Variants in DALRD3 observed in about 807,000 individuals in gnomAD.
The protein encoded by DALRD3 is DALR anticodon binding domain containing 3.
A neutral mutation model predicts 56.7 loss-of-function variants in DALRD3; 47 were observed. The ratio of observed to expected loss-of-function variants is 0.83; its 90% CI spans 0.66 to 1.06. The LOEUF is 1.06. Among genes scored for constraint, DALRD3 ranks in the 50% least tolerant of loss-of-function variants. DALRD3 has a pLI of 0.00. For missense variants in DALRD3, 787 were observed against 724.0 expected (o/e 1.09, Z -1.00); for synonymous variants, 347 against 308.5 (o/e 1.12, Z -1.31).
rs1273370543 is a variant in DALRD3 at position 49,018,199 on chromosome 3, G to A, written c.285C>T (p.Phe95=). The A allele has an allele frequency of 2.8e-6, 4 of 1,447,208 alleles. No individual in the cohort carries two copies. Among genetic ancestry groups the A allele is most frequent in the Non-Finnish European group, 1.8e-6 (2 of 1,111,674 alleles). 89.6% of individuals were successfully genotyped at this position (1,447,208 alleles called of 1,614,324 possible). ...CGGCCACGGCGCTGAGGACGCGCTC[G>A]AAGACGGCGGACCGCTGCAGTTGGA... ...LSLQLQRSAV[F]ERVLSAVAAY... is the part of the protein sequence containing the mutation. The change falls in exon 2 of 12, where the codon TTC becomes TTT. Residue 95 remains phenylalanine, a synonymous_variant. Coordinates refer to ENST00000341949, the MANE Select transcript of DALRD3 (RefSeq NM_001009996.3).
Position 49,017,703 on chromosome 3 carries a change from G to T in DALRD3, c.628C>A (p.Pro210Thr). 4 of 1,614,168 alleles carry T rather than the reference G, an allele frequency of 2.5e-6. No individual in the cohort carries two copies. The highest frequency in any genetic ancestry group is 2.5e-6 in the Non-Finnish European group (3 of 1,180,030). ...AGACACAGTCTGCCTAGGATGCCAG[G>T]GGACAGTGTCCTCCCGTCATTAGCA... Reference protein sequence around the residue: ...TSANDGRTLSPGILGRLCLKE... With the variant: ...TSANDGRTLSTGILGRLCLKE... Residue 210 changes from proline to threonine, a missense_variant, in exon 3 of 12, where the codon CCT becomes ACT. Transcript: ENST00000341949.
Position 49,016,478 on chromosome 3 carries a change from G to A in DALRD3, c.1097C>T (p.Ser366Phe). 1 of 1,614,054 alleles carries A rather than the reference G, an allele frequency of 6.2e-7. No homozygotes were observed. Among genetic ancestry groups the A allele is most frequent in the Non-Finnish European group, 8.5e-7 (1 of 1,180,002 alleles). ...CATCTCAAACTTGATGGTGGCCACAGAGAGAACACCAAAGATCTCTGTCCA... is the reference window on the plus strand; with the variant it reads ...CATCTCAAACTTGATGGTGGCCACAAAGAGAACACCAAAGATCTCTGTCCA... ...PAWTEIFGVL[S>F]VATIKFEMLS... Residue 366 changes from serine (S) to phenylalanine (F), a missense_variant, in exon 8 of 12, where the codon TCT becomes TTT. Transcript: ENST00000341949.
In DALRD3 at chr3:49,018,515, G is replaced by C. The variant is rs747041877; in HGVS notation, c.50C>G (p.Ala17Gly). The C allele has an allele frequency of 5.2e-5, 82 of 1,584,788 alleles. No individual in the cohort carries two copies. The highest frequency in any genetic ancestry group is 6.9e-5 in the Non-Finnish European group (80 of 1,165,404). Residue 17 changes from alanine (A) to glycine (G), a missense_variant, in exon 1 of 12, where the codon GCG becomes GGG. Transcript: ENST00000341949. ...GVGETLGALN[A>G]ALGPGGPVWI... ...CACCGGACCGCCTGGCCCCAGGGCCGCGTTGAGGGCCCCCAGCGTCTCCCC... is the reference window on the plus strand; with the variant it reads ...CACCGGACCGCCTGGCCCCAGGGCCCCGTTGAGGGCCCCCAGCGTCTCCCC...
In DALRD3 at chr3:49,018,448, G is replaced by C; in HGVS notation, c.117C>G (p.Asp39Glu). ...GCAGCGCGCGGTGCGGTGCCAGAAA[G>C]TCTCGGGAACGCAGGTGGCGGGTGC... ...ETRTRHLRSR[D>E]FLAPHRALQA... The change falls in exon 1 of 12, where the codon GAC becomes GAG. Residue 39 changes from aspartate (D) to glutamate (E), a missense_variant. By Grantham distance (45) the Asp-to-Glu change is conservative. Coordinates refer to ENST00000341949, the MANE Select transcript of DALRD3 (RefSeq NM_001009996.3). 1 of 1,589,400 alleles carries C rather than the reference G, an allele frequency of 6.3e-7. No homozygotes were observed. The highest frequency in any genetic ancestry group is 8.6e-7 in the Non-Finnish European group (1 of 1,168,506).
At position 49,018,487 on chromosome 3, in the gene DALRD3, C is replaced by T; in HGVS notation, c.78G>A (p.Trp26Ter). ...GGTGGCGGGTGCGCGTCTCCTTGAT[C>T]CACACCGGACCGCCTGGCCCCAGGG... ...NAALGPGGPVWIKETRTRHLR... is the reference protein window; with the variant it reads ...NAALGPGGPV Residue 26 changes from tryptophan to a stop codon, truncating the protein, a stop_gained, in exon 1 of 12, where the codon TGG (tryptophan) becomes TGA (stop). Coordinates refer to ENST00000341949, the MANE Select transcript of DALRD3 (RefSeq NM_001009996.3). LOFTEE classifies it high-confidence loss of function. 1 of 1,586,956 alleles carries T rather than the reference C, an allele frequency of 6.3e-7. No homozygotes were observed. Among genetic ancestry groups the T allele is most frequent in the Non-Finnish European group, 8.6e-7 (1 of 1,166,576 alleles).
chr3:49,020,410 C>A (rs572720677), upstream of DALRD3: 3 of 393,160 alleles, frequency 7.6e-6, no homozygotes, highest in East Asian at 2.2e-4. Context: ...GGAGTCACTA[C>A]CATTGCAGCC....
In DALRD3 at chr3:49,016,823, T is replaced by G; in HGVS notation, c.952A>C (p.Lys318Gln). 2 of 1,614,188 alleles carry G rather than the reference T, an allele frequency of 1.2e-6. No homozygotes were observed. ...AGAGTGCCAGGTGCACCAGCTACTT[T>G]CACAGGGCCACAGATGAGGTGCTTC... ...RQKHLICGPV[K>Q]VAGAPGTLMT... Residue 318 changes from lysine to glutamine, a missense_variant, in exon 6 of 12, where the codon AAA (lysine) becomes CAA (glutamine). Lys to Gln is a moderately conservative substitution (Grantham distance 53). Coordinates refer to ENST00000341949, the MANE Select transcript of DALRD3 (RefSeq NM_001009996.3).
rs775651811 is a variant in DALRD3 at position 49,017,238 on chromosome 3, G to A, written c.917C>T (p.Pro306Leu). The A allele has an allele frequency of 1.2e-6, 2 of 1,614,178 alleles. No individual in the cohort carries two copies. Among genetic ancestry groups the A allele is most frequent in the South Asian group, 1.1e-5 (1 of 91,080 alleles). ...LLWQKLVDKA[P>L]LRQKHLICGP... is the part of the protein sequence containing the mutation. Reference sequence around the variant, plus strand: ...TCATTATTAACCTACCTGTCTGAGTGGAGCCTTGTCAACCAACTTCTGCCA... The same window carrying A: ...TCATTATTAACCTACCTGTCTGAGTAGAGCCTTGTCAACCAACTTCTGCCA... The change falls in exon 5 of 12, where the codon CCA becomes CTA. Residue 306 changes from proline to leucine, a missense_variant. Physicochemically the swap from Pro to Leu is moderately conservative, Grantham distance 98. Coordinates refer to ENST00000341949, the MANE Select transcript of DALRD3 (RefSeq NM_001009996.3).
intron 7 of DALRD3, 22 bp from the exon 8 acceptor site, chr3:49,016,533 C>A: frequency 1.2e-6 from 2 of 1,610,298 alleles, no homozygotes; most frequent in South Asian, 2.2e-5. Flanking sequence ...TAGGGTTGGT[C>A]AGTCAGTCTG....
chr3:49,018,258 G>GCACCGGGGCCA lies in DALRD3; in HGVS notation c.215_225dup (p.Leu76TrpfsTer63). The GCACCGGGGCCA allele has an allele frequency of 3.5e-6, 5 of 1,443,578 alleles. No homozygotes were observed. The highest frequency in any genetic ancestry group is 2.9e-5 in the Admixed American group (1 of 34,614). The allele number at this position is 1,443,578 out of a possible 1,614,324, so 89.4% of individuals were successfully genotyped here. The stretch of plus-strand genomic sequence containing the variant: ...CCCGCGGGGGTCGGCGCGCAGCGCA[G>GCACCGGGGCCA]CACCGGGGCCACACCGGGGCCCTGC... On this transcript the variant is annotated frameshift_variant, in exon 2 of 12. Transcript: ENST00000341949. LOFTEE classifies it high-confidence loss of function.
upstream of DALRD3, chr3:49,019,143 G>A (rs1201087704): frequency 9.6e-6 from 5 of 521,108 alleles, no homozygotes; most frequent in Non-Finnish European, 1.2e-5. Context: ...GCACGATCTC[G>A]GCTCACTGCA....
chr3:49,016,589 T>C (rs973007158), intron 7 of DALRD3, 23 bp downstream of exon 7: 1 of 1,586,818 alleles, frequency 6.3e-7, no homozygotes. Context: ...ACCCAGAACA[T>C]AGCCAGGGTT....
rs1382380004 is a variant in DALRD3 at position 49,016,165 on chromosome 3, T to C, written c.1322A>G (p.His441Arg). Reference sequence around the variant, plus strand: ...ACCAGGAGGGACACTCACCTCATCATGTAGCAGTGAGAAGTCCAGACTGCT... The same window carrying C: ...ACCAGGAGGGACACTCACCTCATCACGTAGCAGTGAGAAGTCCAGACTGCT... ...PVSSLDFSLL[H>R]DEGEWLLLFN... Residue 441 changes from histidine (H) to arginine (R), a missense_variant, in exon 9 of 12, where the codon CAT becomes CGT. His to Arg is a conservative substitution (Grantham distance 29, BLOSUM62 0). Transcript: ENST00000341949. 2.5e-6 allele frequency: 4 copies of C among 1,614,024 alleles called. No individual in the cohort carries two copies. In the Admixed American group the frequency reaches 6.7e-5, roughly 27 times the overall value.
In DALRD3 at chr3:49,018,535, C is replaced by CT; in HGVS notation, c.29dup (p.Thr11AspfsTer43). ...GGGCCGCGTTGAGGGCCCCCAGCGTCTCCCCGACCCCAAGGCGCCTGGTCG... is the reference window on the plus strand; with the variant it reads ...GGGCCGCGTTGAGGGCCCCCAGCGTCTTCCCCGACCCCAAGGCGCCTGGTCG... On this transcript the variant is annotated frameshift_variant, in exon 1 of 12. Transcript: ENST00000341949. LOFTEE classifies it high-confidence loss of function. The CT allele has an allele frequency of 6.3e-7, 1 of 1,581,780 alleles. No individual in the cohort carries two copies. Among genetic ancestry groups the CT allele is most frequent in the Non-Finnish European group, 8.6e-7 (1 of 1,164,384 alleles).
At chr3:49,020,990 C>G (rs2093151340), upstream of DALRD3, 1 of 167,966 alleles carries the variant, frequency 6.0e-6, no homozygotes, top group South Asian at 1.0e-4. Flanking sequence ...GGGCGGGCTT[C>G]GGAATCCGTC....
upstream of DALRD3, chr3:49,020,419 C>A: frequency 5.1e-6 from 2 of 390,272 alleles, no homozygotes; most frequent in Non-Finnish European, 5.3e-6. Flanking sequence ...ACCATTGCAG[C>A]CCTACCCAGA....
chr3:49,016,893 C>CA (rs774787140), intron 5 of DALRD3, 46 bp from the exon 6 acceptor site: 2 of 1,609,254 alleles, frequency 1.2e-6, no homozygotes, highest in East Asian at 4.5e-5. Context: ...CGCTACTCTC[C>CA]AGGAAGTCCC....
chr3:49,017,219 T>C lies in DALRD3; in HGVS notation c.927+9A>G. ...GTGGTGGGGAGCTCCACCATCATTATTAACCTACCTGTCTGAGTGGAGCCT... is the reference window on the plus strand; with the variant it reads ...GTGGTGGGGAGCTCCACCATCATTACTAACCTACCTGTCTGAGTGGAGCCT... On this transcript the variant is annotated intron_variant, in intron 5 of 11. Transcript: ENST00000341949. 1 of 1,614,206 alleles carries C rather than the reference T, an allele frequency of 6.2e-7. No homozygotes were observed. Among genetic ancestry groups the C allele is most frequent in the Non-Finnish European group, 8.5e-7 (1 of 1,180,040 alleles).
At chr3:49,018,754 C>T (rs2093125232), upstream of DALRD3, 1 of 985,444 alleles carries the variant, frequency 1.0e-6, no homozygotes, top group Admixed American at 6.1e-5. Context: ...CCTGCACAGC[C>T]GGGCCCCGGA....
Sources: gnomAD v4.1 joint callset for allele counts on GRCh38, gnomAD v4.1.1 for gene constraint, MANE v1.5 for transcripts, NCBI Gene and HGNC (gene_info 2026-07-23, HGNC 2026-07-21) for gene names.